MORN1: variants seen among roughly 807,000 people sequenced by gnomAD.
MORN1 encodes MORN repeat-containing protein 1.
Under a neutral mutation model 61.9 loss-of-function variants are expected in MORN1, and 67 were observed. The observed-to-expected ratio is 1.08, with a 90% CI of 0.89 to 1.33. The LOEUF is 1.33. Ranked by LOEUF, MORN1 falls within the 40% of genes most tolerant of loss-of-function variation. MORN1 has a pLI of 0.00. For synonymous variants in MORN1, 301 were observed against 292.0 expected, an observed-to-expected ratio of 1.03 and a Z score of -0.31; for missense variants, 752 against 691.2, an observed-to-expected ratio of 1.09 and a Z score of -0.99.
intron 8 of MORN1, among the ~76,000 whole-genome samples, chr1:2,364,608 C>A (rs58583111): frequency 0.11 from 15,993 of 150,402 alleles, 2,240 homozygotes; most frequent in African/African-American, 0.32. Flanking sequence ...CCATTGCTTT[C>A]GGTGTTTTAG....
intron 13 of MORN1, chr1:2,322,276 T>G: frequency 1.0e-6 from 1 of 985,448 alleles, no homozygotes; most frequent in Non-Finnish European, 1.2e-6. Flanking sequence ...TCCCCTCCCC[T>G]GAGCCTGCCG....
At chr1:2,343,530 C>T (rs1336826642) in intron 10 of MORN1, among the ~76,000 whole-genome samples, 5 of 151,972 alleles carry the variant, frequency 3.3e-5, no homozygotes, top group Admixed American at 6.6e-5. Flanking sequence ...GACTGAGACT[C>T]GGGCCTGGGG....
intron 8 of MORN1, among the ~76,000 whole-genome samples, chr1:2,366,644 C>T (rs1403177685): frequency 6.6e-6 from 1 of 152,164 alleles, no homozygotes; most frequent in Non-Finnish European, 1.5e-5. Context: ...CTGCCTCAGC[C>T]TCCCAAGTAG....
intron 10 of MORN1, among the ~76,000 whole-genome samples, chr1:2,353,951 G>A (rs1430774863): frequency 6.6e-6 from 1 of 152,228 alleles, no homozygotes; most frequent in Non-Finnish European, 1.5e-5. Context: ...CGATAAATCA[G>A]TCCTAAATGG....
At chr1:2,335,828 T>TAGCCCAGCCCAGCCCGGCCC (rs1553208690) in intron 12 of MORN1, among the ~76,000 whole-genome samples, 7 of 143,014 alleles carry the variant, frequency 4.9e-5, no homozygotes, top group African/African-American at 2.1e-4. Context: ...CTCGCCTCCA[T>TAGCCCAGCCCAGCCCGGCCC]AGCCCAGCCC....
intron 10 of MORN1, among the ~76,000 whole-genome samples, chr1:2,343,488 G>A (rs1367515129): frequency 6.6e-6 from 1 of 152,222 alleles, no homozygotes; most frequent in Non-Finnish European, 1.5e-5. Context: ...ATCCTCTGGG[G>A]GTGCTGTGCT....
chr1:2,390,691 C>T, intron 1 of MORN1: 4 of 985,176 alleles, frequency 4.1e-6, no homozygotes, highest in Non-Finnish European at 3.6e-6. Flanking sequence ...GTAGTGTTAG[C>T]TCTGAGTTCA....
At chr1:2,338,271 A>C (rs1641321769) in intron 10 of MORN1, among the ~76,000 whole-genome samples, 1 of 152,176 alleles carries the variant, frequency 6.6e-6, no homozygotes, top group Non-Finnish European at 1.5e-5. Context: ...ATTATGGTGC[A>C]TTATAGAGAG....
chr1:2,323,286 C>T, intron 13 of MORN1: 6 of 985,414 alleles, frequency 6.1e-6, no homozygotes, highest in Non-Finnish European at 4.8e-6. Context: ...GGTGGCTCTG[C>T]TTGTTCTCCC....
Position 2,336,474 on chromosome 1 carries a change from G to A in MORN1, c.1245C>T (p.Gly415=). 6.2e-7 allele frequency: 1 copy of A among 1,611,440 alleles called. No individual in the cohort carries two copies. Among genetic ancestry groups the A allele is most frequent in the South Asian group, 1.1e-5 (1 of 91,018 alleles). The change falls in exon 12 of 14, where the codon GGC becomes GGT. Residue 415 remains glycine, a synonymous_variant. Coordinates refer to ENST00000378531, the MANE Select transcript of MORN1 (RefSeq NM_024848.3). ...GTGGGGTGGGCTCATCCTACCTGCT[G>A]CCTCCAGGAGGCTCCTGTGCCGTGG... is the stretch of plus-strand genomic sequence containing the variant. ...TPPTAQEPPG[G]SRPEGRATEE... is the part of the protein sequence containing the mutation.
At chr1:2,354,900 G>A (rs1303940051) in intron 10 of MORN1, among the ~76,000 whole-genome samples, 1 of 152,204 alleles carries the variant, frequency 6.6e-6, no homozygotes, top group Non-Finnish European at 1.5e-5. Flanking sequence ...GCCCCAGCGG[G>A]TCTTACAAAA....
chr1:2,341,626 G>A lies in MORN1; in HGVS notation c.1037-4776C>T, dbSNP rs140824902. 5.1e-3 allele frequency among the ~76,000 whole-genome samples: 776 copies of A among 151,818 alleles called. 6 individuals are homozygous for A. The highest frequency in any genetic ancestry group is 7.1e-3 in the Non-Finnish European group (486 of 67,986). On this transcript the variant is annotated intron_variant, in intron 10 of 13. Coordinates refer to ENST00000378531, the MANE Select transcript of MORN1 (RefSeq NM_024848.3). ...GAATCGCTTGAACACGGGAGGCAGAGGTTACTGTGAGCCAAGATCGCTCCA... is the reference window on the plus strand; with the variant it reads ...GAATCGCTTGAACACGGGAGGCAGAAGTTACTGTGAGCCAAGATCGCTCCA...
At chr1:2,379,108 CCTG>C (rs775737441) in intron 6 of MORN1, 18 of 471,086 alleles carry the variant, frequency 3.8e-5, no homozygotes, top group Non-Finnish European at 7.5e-5. Context: ...AGAAAACACA[CCTG>C]CTGTCGAGAG....
intron 10 of MORN1, chr1:2,355,535 G>A: frequency 2.6e-6 from 4 of 1,527,040 alleles, no homozygotes; most frequent in Non-Finnish European, 3.6e-6. Flanking sequence ...GGTTTCTGGG[G>A]GCAGGGGCAC....
At chr1:2,381,753 G>C (rs1026100859) in intron 6 of MORN1, among the ~76,000 whole-genome samples, 1 of 152,188 alleles carries the variant, frequency 6.6e-6, no homozygotes, top group African/African-American at 2.4e-5. Context: ...CCGCTTGGGG[G>C]CCCGGCTCTC....
In MORN1 at chr1:2,385,032, C is replaced by T; in HGVS notation, c.483G>A (p.Arg161=). The T allele has an allele frequency of 6.3e-7, 1 of 1,599,960 alleles. No individual in the cohort carries two copies. The highest frequency in any genetic ancestry group is 8.5e-7 in the Non-Finnish European group (1 of 1,174,842). The change falls in exon 6 of 14, where the codon CGG becomes CGA. Residue 161 remains arginine, a synonymous_variant. Transcript: ENST00000378531. ...NGDKYDGDWV[R]DRRQGHGVLR... is the part of the protein sequence containing the mutation. ...GCACCCCGTGTCCCTGACGCCGGTC[C>T]CGGACCCAGTCGCCGTCGTACTTGT...
At chr1:2,338,820 C>G (rs1363911907) in intron 10 of MORN1, among the ~76,000 whole-genome samples, 1 of 152,184 alleles carries the variant, frequency 6.6e-6, no homozygotes, top group Non-Finnish European at 1.5e-5. Context: ...TGGTGCCAGG[C>G]ACCTTCAGGC....
At chr1:2,358,846 T>C in intron 8 of MORN1, 131 bp from the exon 9 acceptor site, 1 of 1,167,164 alleles carries the variant, frequency 8.6e-7, no homozygotes, top group Non-Finnish European at 1.2e-6. Flanking sequence ...GCTGTGACCC[T>C]GGTGGGCTGA....
intron 11 of MORN1, 60 bp downstream of exon 11, chr1:2,336,657 G>A: frequency 6.4e-7 from 1 of 1,567,748 alleles, no homozygotes; most frequent in East Asian, 2.3e-5. Context: ...TGAGGTGGTG[G>A]GTGGGCAGGG....
Sources: allele counts gnomAD v4.1 joint callset (sites outside exome capture counted in the v4.1 genomes callset), GRCh38; gene constraint gnomAD v4.1.1; transcripts MANE v1.5; gene names NCBI Gene and HGNC (gene_info 2026-07-23, HGNC 2026-07-21).